SLC25A26: variants seen among roughly 807,000 people sequenced by gnomAD.
The protein encoded by SLC25A26 is mitochondrial S-adenosylmethionine carrier protein.
Under a neutral mutation model 37.8 loss-of-function variants are expected in SLC25A26, and 36 were observed. The ratio of observed to expected loss-of-function variants is 0.95; its 90% CI spans 0.73 to 1.26. The LOEUF is 1.26. SLC25A26 is among the 50% of genes most tolerant of loss of function. The pLI is 0.00. For synonymous variants in SLC25A26, 129 were observed against 122.5 expected (o/e 1.05, Z -0.35); for missense variants, 390 against 331.1 (o/e 1.18, Z -1.38).
At chr3:66,175,523 C>A (rs1422158685) in intron 1 of SLC25A26, among the ~76,000 whole-genome samples, 4 of 152,264 alleles carry the variant, frequency 2.6e-5, no homozygotes, top group Middle Eastern at 3.4e-3. Context: ...CCACACCCAG[C>A]TATAAAGGTT....
chr3:66,182,432 C>T (rs1440205836), intron 1 of SLC25A26, among the ~76,000 whole-genome samples: 1 of 151,796 alleles, frequency 6.6e-6, no homozygotes, highest in African/African-American at 2.4e-5. Flanking sequence ...GGGAGGCGGC[C>T]TCTGAATTGT....
intron 5 of SLC25A26, among the ~76,000 whole-genome samples, chr3:66,341,141 A>G (rs2076200575): frequency 6.6e-6 from 1 of 152,140 alleles, no homozygotes; most frequent in African/African-American, 2.4e-5. Context: ...GAAAATAAAC[A>G]TCCTTACCTT....
At chr3:66,135,535 A>T (rs945921991) in intron 1 of SLC25A26, among the ~76,000 whole-genome samples, 1 of 152,226 alleles carries the variant, frequency 6.6e-6, no homozygotes, top group African/African-American at 2.4e-5. Flanking sequence ...TGGGAGGCCA[A>T]GGCAGGTAGA....
chr3:66,331,036 A>T (rs1027330242), intron 5 of SLC25A26, among the ~76,000 whole-genome samples: 3 of 151,974 alleles, frequency 2.0e-5, no homozygotes, highest in Non-Finnish European at 4.4e-5. Context: ...CATATATGGA[A>T]ACTATCTCTT....
At chr3:66,242,897 CTAAAGTTGACTT>C (rs1559608014) in intron 2 of SLC25A26, among the ~76,000 whole-genome samples, 2 of 152,154 alleles carry the variant, frequency 1.3e-5, no homozygotes, top group South Asian at 2.1e-4. Flanking sequence ...ATATCCTTTT[CTAAAGTTGACTT>C]TAAAAATGTA....
intron 5 of SLC25A26, among the ~76,000 whole-genome samples, chr3:66,282,631 AAAATT>A (rs1201228774): frequency 2.0e-5 from 3 of 152,234 alleles, no homozygotes; most frequent in Non-Finnish European, 4.4e-5. Flanking sequence ...GGCAGAAAAA[AAAATT>A]AAATTATTTC....
rs148553206 is a variant in SLC25A26 at position 66,222,883 on chromosome 3, A to C, written c.33+1756A>C. On this transcript the variant is annotated intron_variant, in intron 1 of 9. Coordinates refer to ENST00000354883, the MANE Select transcript of SLC25A26 (RefSeq NM_001379210.1). ...TATACTTAATTAAAGTATGATACACATGCAGTAAAGTATACTTTTTTCCCA... is the reference window on the plus strand; with the variant it reads ...TATACTTAATTAAAGTATGATACACCTGCAGTAAAGTATACTTTTTTCCCA... Among the ~76,000 whole-genome samples the C allele has an allele frequency of 5.0e-3, 768 of 152,350 alleles. 14 individuals are homozygous for C. The highest frequency in any genetic ancestry group is 0.014 in the African/African-American group (564 of 41,584).
At chr3:66,171,963 G>A (rs151102850) in intron 1 of SLC25A26, among the ~76,000 whole-genome samples, 2,477 of 152,200 alleles carry the variant, frequency 0.016, 61 homozygotes, top group African/African-American at 0.053. Flanking sequence ...CTTTTTGCTG[G>A]TTAAATATTC....
At chr3:66,375,609 C>A (rs1487404608) in intron 9 of SLC25A26, among the ~76,000 whole-genome samples, 2 of 152,186 alleles carry the variant, frequency 1.3e-5, no homozygotes, top group African/African-American at 2.4e-5. Flanking sequence ...AGAAATGGAA[C>A]AACAAAGCCT....
At chr3:66,216,842 A>C (rs1246720129), upstream of SLC25A26, among the ~76,000 whole-genome samples, 3 of 152,164 alleles carry the variant, frequency 2.0e-5, no homozygotes, top group African/African-American at 7.2e-5. Flanking sequence ...AAGATTTGAG[A>C]ACATATGCTG....
At chr3:66,251,087 A>AAGACCTTGTT (rs1382066692) in intron 3 of SLC25A26, among the ~76,000 whole-genome samples, 1 of 152,132 alleles carries the variant, frequency 6.6e-6, no homozygotes, top group Admixed American at 6.5e-5. Flanking sequence ...GAGTTCTGAA[A>AAGACCTTGTT]AGACCTTGTT....
chr3:66,152,057 C>T (rs2070216940), intron 1 of SLC25A26, among the ~76,000 whole-genome samples: 1 of 152,188 alleles, frequency 6.6e-6, no homozygotes, highest in Admixed American at 6.5e-5. Context: ...CGATGTCCAG[C>T]TTTTGCTTAT....
At chr3:66,282,677 CAAG>C (rs1405624188) in intron 5 of SLC25A26, among the ~76,000 whole-genome samples, 7 of 152,262 alleles carry the variant, frequency 4.6e-5, no homozygotes, top group Non-Finnish European at 7.4e-5. Flanking sequence ...TTACATCAGG[CAAG>C]AAGAACACAG....
chr3:66,251,830 T>C lies in SLC25A26; in HGVS notation c.300+8518T>C, dbSNP rs188721477. ...TTGTATGGATTTTCTTTTTCTAATATAGTATGCAGTGTTAGTTCAGATGGT... is the reference window on the plus strand; with the variant it reads ...TTGTATGGATTTTCTTTTTCTAATACAGTATGCAGTGTTAGTTCAGATGGT... On this transcript the variant is annotated intron_variant, in intron 3 of 9. Coordinates refer to ENST00000354883, the MANE Select transcript of SLC25A26 (RefSeq NM_001379210.1). Among the ~76,000 whole-genome samples the C allele has an allele frequency of 3.7e-3, 567 of 152,330 alleles. 4 individuals carry two copies. The highest frequency in any genetic ancestry group is 0.012 in the African/African-American group (519 of 41,562).
At chr3:66,329,330 C>A (rs2075915001) in intron 5 of SLC25A26, among the ~76,000 whole-genome samples, 1 of 152,038 alleles carries the variant, frequency 6.6e-6, no homozygotes, top group Non-Finnish European at 1.5e-5. Context: ...TCTTAAAATT[C>A]TGCATCCTTC....
At chr3:66,316,479 G>A (rs1036744217) in intron 5 of SLC25A26, among the ~76,000 whole-genome samples, 2 of 152,168 alleles carry the variant, frequency 1.3e-5, no homozygotes, top group Non-Finnish European at 2.9e-5. Flanking sequence ...TCTGCTGAGA[G>A]GTCTGCTCTT....
chr3:66,292,848 G>T (rs2074761780), intron 5 of SLC25A26, among the ~76,000 whole-genome samples: 1 of 152,156 alleles, frequency 6.6e-6, no homozygotes, highest in Admixed American at 6.5e-5. Context: ...CTAGGTTGGG[G>T]AAGTTCTCCT....
intron 1 of SLC25A26, among the ~76,000 whole-genome samples, chr3:66,171,147 T>C (rs979729138): frequency 1.3e-5 from 2 of 152,206 alleles, no homozygotes; most frequent in African/African-American, 2.4e-5. Flanking sequence ...TTAGAAGAGT[T>C]GGCAGCAGAG....
intron 5 of SLC25A26, among the ~76,000 whole-genome samples, chr3:66,313,279 GATCC>G (rs1466910786): frequency 6.6e-6 from 1 of 152,010 alleles, no homozygotes; most frequent in East Asian, 1.9e-4. Context: ...TTAAGTCTTT[GATCC>G]ATCTTGAGTT....
Sources: allele counts gnomAD v4.1 joint callset (sites outside exome capture counted in the v4.1 genomes callset), GRCh38; gene constraint gnomAD v4.1.1; transcripts MANE v1.5; gene names NCBI Gene and HGNC (gene_info 2026-07-23, HGNC 2026-07-21).